DOCK11: variants seen among roughly 807,000 people sequenced by gnomAD.
The protein encoded by DOCK11 is dedicator of cytokinesis protein 11.
Under a neutral mutation model 169.1 loss-of-function variants are expected in DOCK11, and 70 were observed. That is an observed-to-expected ratio of 0.41 (90% CI 0.34 to 0.51). The LOEUF (loss-of-function observed/expected upper bound fraction) is 0.51, where lower values mean the gene tolerates loss of function less well. Ranked by LOEUF, DOCK11 falls within the 20% of genes least tolerant of loss-of-function variation. The pLI, the probability that DOCK11 is intolerant of heterozygous loss-of-function variation, is 0.10. For missense variants in DOCK11, 1,166 were observed against 1,538.8 expected (o/e 0.76, Z 4.05); for synonymous variants, 529 against 541.3 (o/e 0.98, Z 0.32).
intron 32 of DOCK11, 65 bp downstream of exon 32, chrX:118,624,720 T>C (rs1224331818): frequency 2.9e-6 from 2 of 697,316 alleles, no homozygotes; most frequent in African/African-American, 4.4e-5. Context: ...GGAATTGGGG[T>C]CATATGCTAT....
intron 1 of DOCK11, among the ~76,000 whole-genome samples, chrX:118,535,392 G>C (rs1483810583): frequency 8.9e-6 from 1 of 111,801 alleles, no homozygotes; most frequent in African/African-American, 3.3e-5. Context: ...TGAGATCATA[G>C]ATATAAAACG....
Position 118,608,279 on chromosome X carries a change from C to A in DOCK11, c.2800C>A (p.His934Asn). Residue 934 changes from histidine (H) to asparagine (N), a missense_variant, in exon 26 of 53, where the codon CAT becomes AAT. By Grantham distance (68) the His-to-Asn change is moderately conservative. Transcript: ENST00000276202. ...GAGTGCTCCTCAGGCCCAGCTGATA[C>A]ATGAAACCCTGGCTACTACGATGAT... is the stretch of plus-strand genomic sequence containing the variant. ...KPSAPQAQLI[H>N]ETLATTMIAI... The A allele has an allele frequency of 5.8e-6, 7 of 1,210,979 alleles. No homozygotes were observed. The highest frequency in any genetic ancestry group is 2.2e-6 in the Non-Finnish European group (2 of 895,065).
At position 118,566,157 on chromosome X, in the gene DOCK11, A is replaced by T; in HGVS notation, c.846A>T (p.Lys282Asn). Residue 282 changes from lysine (K) to asparagine (N), a missense_variant, in exon 8 of 53, where the codon AAA becomes AAT. Coordinates refer to ENST00000276202, the MANE Select transcript of DOCK11 (RefSeq NM_144658.4). The stretch of plus-strand genomic sequence containing the variant: ...ACACCGACAGTTTAGTTCAAGAAAA[A>T]AAGGAGACGGTAGAAACAGCACAAG... ...QINTDSLVQE[K>N]KETVETAQDD... 8.3e-7 allele frequency: 1 copy of T among 1,204,497 alleles called. No homozygotes were observed. The highest frequency in any genetic ancestry group is 1.1e-6 in the Non-Finnish European group (1 of 892,849).
At chrX:118,552,422 C>T (rs888635706) in intron 6 of DOCK11, among the ~76,000 whole-genome samples, 1 of 111,461 alleles carries the variant, frequency 9.0e-6, no homozygotes, top group Non-Finnish European at 1.9e-5. Flanking sequence ...CTGAGTTCTT[C>T]GTATTGGAAG....
At chrX:118,677,651 C>T (rs780206141) in intron 48 of DOCK11, among the ~76,000 whole-genome samples, 2 of 112,620 alleles carry the variant, frequency 1.8e-5, no homozygotes, top group Non-Finnish European at 3.7e-5. Context: ...AATCTCTTCA[C>T]TTTGTATACT....
chrX:118,548,857 A>G (rs186567168), intron 6 of DOCK11, among the ~76,000 whole-genome samples: 1 of 112,147 alleles, frequency 8.9e-6, no homozygotes, highest in Admixed American at 9.5e-5. Flanking sequence ...AACTAATACA[A>G]TTAGTTAGGC....
chrX:118,574,469 T>C (rs1248185356), intron 12 of DOCK11, among the ~76,000 whole-genome samples: 2 of 111,201 alleles, frequency 1.8e-5, no homozygotes, highest in African/African-American at 6.5e-5. Context: ...CTCGGGACAC[T>C]GAGGCAGGAG....
intron 1 of DOCK11, among the ~76,000 whole-genome samples, chrX:118,526,894 T>C (rs916240938): frequency 8.9e-6 from 1 of 112,314 alleles, no homozygotes; most frequent in Non-Finnish European, 1.9e-5. Context: ...TTTGCCAGAA[T>C]TCTCTCAATA....
chrX:118,542,838 A>T lies in DOCK11; in HGVS notation c.216A>T (p.Ile72=). The T allele has an allele frequency of 8.3e-7, 1 of 1,199,170 alleles. No individual in the cohort carries two copies. The highest frequency in any genetic ancestry group is 1.1e-6 in the Non-Finnish European group (1 of 884,722). ...RDLLMFPMED[I]SISVIGRQRR... Reference sequence around the variant, plus strand: ...TGCTTATGTTCCCAATGGAAGATATATCTGTGAGTTCACAAACACTTCTTT... The same window carrying T: ...TGCTTATGTTCCCAATGGAAGATATTTCTGTGAGTTCACAAACACTTCTTT... The change falls in exon 2 of 53, where the codon ATA becomes ATT. Residue 72 remains isoleucine, a synonymous_variant. Coordinates refer to ENST00000276202, the MANE Select transcript of DOCK11 (RefSeq NM_144658.4).
Position 118,572,366 on chromosome X carries a change from A to G in DOCK11, c.1079A>G (p.Glu360Gly). 1 of 1,205,362 alleles carries G rather than the reference A, an allele frequency of 8.3e-7. No homozygotes were observed. The highest frequency in any genetic ancestry group is 1.7e-5 in the African/African-American group (1 of 57,714). Residue 360 changes from glutamate (E) to glycine (G), a missense_variant, in exon 11 of 53, where the codon GAA (glutamate) becomes GGA (glycine). Physicochemically the swap from Glu to Gly is moderately conservative, Grantham distance 98 (BLOSUM62 -2). Transcript: ENST00000276202. The part of the protein sequence containing the change: ...SGIEPDIKPF[E>G]EKCNKRFLVN... ...ATTGAACCTGATATAAAGCCATTTG[A>G]AGAAAAATGCAATAAACGTTTCCTG...
At chrX:118,509,520 T>G (rs748815873) in intron 1 of DOCK11, among the ~76,000 whole-genome samples, 1 of 111,384 alleles carries the variant, frequency 9.0e-6, no homozygotes, top group Admixed American at 9.5e-5. Flanking sequence ...TGCCTCGGCC[T>G]CCCAAAGTGC....
intron 19 of DOCK11, among the ~76,000 whole-genome samples, chrX:118,590,936 A>T (rs1166456819): frequency 1.8e-5 from 2 of 111,430 alleles, no homozygotes; most frequent in Non-Finnish European, 3.8e-5. Flanking sequence ...CTCCACCTCT[A>T]CATCTCTGTG....
At position 118,618,628 on chromosome X, in the gene DOCK11, C is replaced by T. The variant is rs1215987026; in HGVS notation, c.3371C>T (p.Ser1124Phe). 8.3e-7 allele frequency: 1 copy of T among 1,206,110 alleles called. No individual in the cohort carries two copies. Among genetic ancestry groups the T allele is most frequent in the African/African-American group, 1.8e-5 (1 of 57,065 alleles). The change falls in exon 31 of 53, where the codon TCC becomes TTC. Residue 1124 changes from serine (S) to phenylalanine (F), a missense_variant. By Grantham distance (155) the Ser-to-Phe change is radical (BLOSUM62 -2). Transcript: ENST00000276202. Reference protein sequence around the residue: ...FLVGLLLRETSIALQDNYEIR... With the variant: ...FLVGLLLRETFIALQDNYEIR... The stretch of plus-strand genomic sequence containing the variant: ...GTTGGTCTACTTCTGAGGGAAACTT[C>T]CATTGCTCTTCAGGACAATTATGAG...
At chrX:118,633,359 G>A (rs1472550240) in intron 35 of DOCK11, 2 of 112,200 alleles carry the variant, frequency 1.8e-5, no homozygotes, top group Non-Finnish European at 3.8e-5. Context: ...AGATACATGA[G>A]TTGGGTATTC....
Position 118,677,677 on chromosome X carries a change from G to C in DOCK11, c.5460+940G>C, listed in dbSNP as rs761074969. 3.6e-5 allele frequency among the ~76,000 whole-genome samples: 4 copies of C among 112,374 alleles called. No individual in the cohort carries two copies. In the South Asian group the frequency reaches 1.5e-3, roughly 41 times the overall value. The stretch of plus-strand genomic sequence containing the variant: ...TTTGTATACTTACATATATCTCTTG[G>C]AGATGACTTTATCTTAAACACATGC... On this transcript the variant is annotated intron_variant, in intron 48 of 52. Coordinates refer to ENST00000276202, the MANE Select transcript of DOCK11 (RefSeq NM_144658.4).
intron 35 of DOCK11, among the ~76,000 whole-genome samples, chrX:118,630,968 C>T (rs1455057275): frequency 1.8e-5 from 2 of 111,383 alleles, no homozygotes; most frequent in Non-Finnish European, 3.8e-5. Flanking sequence ...TGTCTGGTAT[C>T]GCGTTCTTTG....
At chrX:118,623,760 G>A (rs1206817060) in intron 31 of DOCK11, among the ~76,000 whole-genome samples, 2 of 113,015 alleles carry the variant, frequency 1.8e-5, no homozygotes, top group African/African-American at 6.4e-5. Context: ...TGACCATTTT[G>A]CCCTAGAGGG....
At chrX:118,656,197 A>G (rs2016063174) in intron 44 of DOCK11, among the ~76,000 whole-genome samples, 1 of 110,566 alleles carries the variant, frequency 9.0e-6, no homozygotes, top group Admixed American at 9.7e-5. Context: ...AGGGTGAGGT[A>G]GGATCATAGC....
At chrX:118,632,644 T>C (rs887511113) in intron 35 of DOCK11, 3 of 111,211 alleles carry the variant, frequency 2.7e-5, no homozygotes, top group African/African-American at 9.8e-5. Flanking sequence ...CTCTCTTGGC[T>C]TTCTTTTTTA....
Sources: gnomAD v4.1 joint callset for allele counts (sites outside exome capture counted in the v4.1 genomes callset) on GRCh38, gnomAD v4.1.1 for gene constraint, MANE v1.5 for transcripts, NCBI Gene and HGNC (gene_info 2026-07-23, HGNC 2026-07-21) for gene names.